Variants in FES observed in about 807,000 individuals in gnomAD.
The protein encoded by FES is tyrosine-protein kinase Fes/Fps.
Under a neutral mutation model 109.6 loss-of-function variants are expected in FES, and 83 were observed. The ratio of observed to expected loss-of-function variants is 0.76; its 90% CI spans 0.63 to 0.91. FES has a LOEUF of 0.91. Ranked by LOEUF, FES falls within the 40% of genes least tolerant of loss-of-function variation. The pLI is 0.00. For synonymous variants in FES, 458 were observed against 442.1 expected, an observed-to-expected ratio of 1.04 and a Z score of -0.45; for missense variants, 943 against 1,070.9, an observed-to-expected ratio of 0.88 and a Z score of 1.67.
chr15:90,893,310 C>T lies in FES; in HGVS notation c.1941C>T (p.Phe647=). The change falls in exon 16 of 19, where the codon TTC becomes TTT. Residue 647 remains phenylalanine, a synonymous_variant. Transcript: ENST00000328850. ...ELVQGGDFLT[F]LRTEGARLRV... ...CTGCAGGGGGCGACTTCCTGACCTT[C>T]CTCCGCACGGAGGGGGCCCGCCTGC... The T allele has an allele frequency of 6.3e-7, 1 of 1,576,968 alleles. No individual in the cohort carries two copies. The highest frequency in any genetic ancestry group is 1.7e-4 in the Middle Eastern group (1 of 5,848).
At position 90,889,221 on chromosome 15, in the gene FES, C is replaced by T. The variant is rs1465493322; in HGVS notation, c.669-85C>T. 1.3e-6 allele frequency: 2 copies of T among 1,556,708 alleles called. No homozygotes were observed. Among genetic ancestry groups the T allele is most frequent in the African/African-American group, 1.4e-5 (1 of 73,696 alleles). On this transcript the variant is annotated intron_variant, in intron 5 of 18. Coordinates refer to ENST00000328850, the MANE Select transcript of FES (RefSeq NM_002005.4). This position sits in a 1 kb window ranked among gnomAD's most constrained non-coding sequence, Gnocchi z 6.1. ...AGGCAGGGGTCAACCCCAGCCCTGA[C>T]TCCAAACCCAGGGTCCTAGGCCTGA...
intron 10 of FES, 86 bp downstream of exon 10, chr15:90,890,570 C>T: frequency 3.2e-6 from 4 of 1,260,098 alleles, no homozygotes; most frequent in Non-Finnish European, 4.5e-6. Flanking sequence ...TCTGCCCAGG[C>T]TGCTTGTATT....
chr15:90,891,790 A>C, intron 12 of FES, 114 bp downstream of exon 12: 1 of 1,460,734 alleles, frequency 6.8e-7, no homozygotes. Flanking sequence ...GTCTACATAC[A>C]AGATGCAGAG....
At chr15:90,885,287 C>T (rs370637201) in intron 2 of FES, 29 bp downstream of exon 2, 6 of 1,590,572 alleles carry the variant, frequency 3.8e-6, no homozygotes, top group Non-Finnish European at 5.1e-6. Flanking sequence ...CTGGTGGGTG[C>T]TGGCTGTATC....
chr15:90,886,349 T>C (rs1288684193), intron 3 of FES, among the ~76,000 whole-genome samples: 1 of 152,276 alleles, frequency 6.6e-6, no homozygotes, highest in Non-Finnish European at 1.5e-5. Context: ...ACAGAGGCTC[T>C]ATGGCCTACA....
chr15:90,889,902 T>C lies in FES; in HGVS notation c.989T>C (p.Met330Thr), dbSNP rs1410955398. ...ATEMVFRRQE[M>T]VTQLQQELRN... ...GAGATGGTGTTCAGGCGGCAGGAGA[T>C]GGTTACGCAGCTGCAACAGGAGCTC... The change falls in exon 8 of 19, where the codon ATG becomes ACG. Residue 330 changes from methionine to threonine, a missense_variant. Physicochemically the swap from Met to Thr is moderately conservative, Grantham distance 81 (BLOSUM62 -1). Coordinates refer to ENST00000328850, the MANE Select transcript of FES (RefSeq NM_002005.4). The surrounding 1 kb of genome is among the most constrained non-coding windows in gnomAD (Gnocchi z 6.1). 1.2e-6 allele frequency: 2 copies of C among 1,611,794 alleles called. No individual in the cohort carries two copies. The highest frequency in any genetic ancestry group is 1.7e-6 in the Non-Finnish European group (2 of 1,179,560).
At chr15:90,885,705 G>A in intron 3 of FES, 120 bp downstream of exon 3, 1 of 1,449,942 alleles carries the variant, frequency 6.9e-7, no homozygotes, top group Non-Finnish European at 9.1e-7. Context: ...CCGCAGGCCT[G>A]GCTTGCTCTA....
chr15:90,889,707 C>A lies in FES; in HGVS notation c.926+71C>A. On this transcript the variant is annotated intron_variant, in intron 7 of 18. Coordinates refer to ENST00000328850, the MANE Select transcript of FES (RefSeq NM_002005.4). The surrounding 1 kb of genome is among the most constrained non-coding windows in gnomAD (Gnocchi z 6.1). The stretch of plus-strand genomic sequence containing the variant: ...ACCACGAGTGTTTATGTAGGCAGGG[C>A]TAGGTCGTGGAGACTGTCCACACAG... The A allele has an allele frequency of 1.9e-6, 3 of 1,606,050 alleles. No individual in the cohort carries two copies. Among genetic ancestry groups the A allele is most frequent in the Non-Finnish European group, 2.5e-6 (3 of 1,177,992 alleles).
chr15:90,892,355 C>T (rs1253283074), intron 13 of FES: 8 of 596,698 alleles, frequency 1.3e-5, no homozygotes, highest in East Asian at 1.1e-4. Flanking sequence ...CCGCCCCCAT[C>T]GAGCTCTTGT....
Position 90,890,149 on chromosome 15 carries a change from A to AGC in FES, c.1110_1111dup (p.Leu371ArgfsTer162). 6.3e-7 allele frequency: 1 copy of AGC among 1,593,370 alleles called. No homozygotes were observed. Among genetic ancestry groups the AGC allele is most frequent in the Non-Finnish European group, 8.5e-7 (1 of 1,175,516 alleles). On this transcript the variant is annotated frameshift_variant, in exon 9 of 19. Coordinates refer to ENST00000328850, the MANE Select transcript of FES (RefSeq NM_002005.4). LOFTEE classifies it high-confidence loss of function. ...AAGAAGCACTGCAGGGGCTGCAGGT[A>AGC]GCGCTGTGCAGCCAGGCCAAGCTGC...
Position 90,889,317 on chromosome 15 carries a change from T to C in FES, c.680T>C (p.Leu227Pro). Residue 227 changes from leucine to proline, a missense_variant, in exon 6 of 19, where the codon CTG becomes CCG. Leu to Pro is a moderately conservative substitution (Grantham distance 98). Coordinates refer to ENST00000328850, the MANE Select transcript of FES (RefSeq NM_002005.4). This position sits in a 1 kb window ranked among gnomAD's most constrained non-coding sequence, Gnocchi z 6.1. ...CGTCTCGGGGGCAGGAAGGAGATCC[T>C]GCAGGAATACCTGGAGATTAGCAGC... The part of the protein sequence containing the change: ...EEMACILKEI[L>P]QEYLEISSLV... The C allele has an allele frequency of 1.2e-6, 2 of 1,613,680 alleles. No homozygotes were observed. Among genetic ancestry groups the C allele is most frequent in the East Asian group, 4.5e-5 (2 of 44,874 alleles).
chr15:90,884,978 C>T, intron 1 of FES, 59 bp from the exon 2 acceptor site: 2 of 1,416,302 alleles, frequency 1.4e-6, no homozygotes, highest in South Asian at 1.3e-5. Context: ...CTCCTCGTCC[C>T]ATGCCTCCGT....
rs199923937 is a variant in FES, at chr15:90,893,072, G to A, written c.1827-28G>A. ...GCCCTGGGGAGGCGGGCCTGGCCAC[G>A]TAGATCCTGAGCAGCAGTGCCCTCC... On this transcript the variant is annotated intron_variant, in intron 14 of 18. Coordinates refer to ENST00000328850, the MANE Select transcript of FES (RefSeq NM_002005.4). 2.3e-4 allele frequency: 368 copies of A among 1,606,792 alleles called. 2 individuals are homozygous for A. In the African/African-American group the frequency reaches 2.8e-3, roughly 12 times the overall value.
chr15:90,890,809 G>A (rs555328296), intron 10 of FES, among the ~76,000 whole-genome samples, 173 bp from the exon 11 acceptor site: 2 of 152,038 alleles, frequency 1.3e-5, no homozygotes, highest in East Asian at 1.9e-4. Flanking sequence ...TCTGCCCAGC[G>A]TGAGCCTGGG....
chr15:90,893,936 G>A lies in FES; in HGVS notation c.2204G>A (p.Gly735Asp). The A allele has an allele frequency of 6.2e-7, 1 of 1,613,584 alleles. No individual in the cohort carries two copies. The highest frequency in any genetic ancestry group is 8.5e-7 in the Non-Finnish European group (1 of 1,179,980). ...CCTCACCTCCTCGCCTCCTCTGCAGGCCGCTACTCCTCCGAAAGCGACGTG... is the reference window on the plus strand; with the variant it reads ...CCTCACCTCCTCGCCTCCTCTGCAGACCGCTACTCCTCCGAAAGCGACGTG... ...KWTAPEALNY[G>D]RYSSESDVWS... Residue 735 changes from glycine to aspartate, a missense_variant and splice_region_variant, in exon 18 of 19, where the codon GGC (glycine) becomes GAC (aspartate). By Grantham distance (94) the Gly-to-Asp change is moderately conservative. Transcript: ENST00000328850.
Position 90,889,394 on chromosome 15 carries a change from G to T in FES, c.757G>T (p.Ala253Ser). The change falls in exon 6 of 19, where the codon GCC becomes TCC. Residue 253 changes from alanine (A) to serine (S), a missense_variant. Physicochemically the swap from Ala to Ser is moderately conservative, Grantham distance 99. Transcript: ENST00000328850. The surrounding 1 kb of genome is among the most constrained non-coding windows in gnomAD (Gnocchi z 6.1). ...TCACCGGGAGATGGCTGCAGCTGCT[G>T]CCCGCATCCAGCCTGAGGCTGAGTA... is the stretch of plus-strand genomic sequence containing the variant. ...AIHREMAAAA[A>S]RIQPEAEYQG... 1.9e-6 allele frequency: 3 copies of T among 1,614,084 alleles called. No homozygotes were observed. The highest frequency in any genetic ancestry group is 2.5e-6 in the Non-Finnish European group (3 of 1,180,018).
chr15:90,887,223 G>A lies in FES; in HGVS notation c.521G>A (p.Arg174His), dbSNP rs1210252844. The change falls in exon 5 of 19, where the codon CGC (arginine) becomes CAC (histidine). Residue 174 changes from arginine (R) to histidine (H), a missense_variant. Arg to His is a conservative substitution (Grantham distance 29). Transcript: ENST00000328850. ...DRDKAKDKYV[R>H]SLWKLFAHHN... The stretch of plus-strand genomic sequence containing the variant: ...GACAAGGCTAAGGACAAGTATGTGC[G>A]CAGCCTGTGGAAGCTCTTTGCTCAC... 1 of 1,613,582 alleles carries A rather than the reference G, an allele frequency of 6.2e-7. No homozygotes were observed. Among genetic ancestry groups the A allele is most frequent in the Non-Finnish European group, 8.5e-7 (1 of 1,179,984 alleles).
chr15:90,890,319 G>A, intron 9 of FES, 41 bp downstream of exon 9: 1 of 1,589,410 alleles, frequency 6.3e-7, no homozygotes. Context: ...CCACCGGCCT[G>A]CCCACCTGGG....
chr15:90,889,158 A>T lies in FES; in HGVS notation c.669-148A>T. The T allele has an allele frequency of 1.1e-6, 1 of 948,844 alleles. No individual in the cohort carries two copies. Among genetic ancestry groups the T allele is most frequent in the Non-Finnish European group, 1.6e-6 (1 of 637,436 alleles). 58.8% of individuals were successfully genotyped at this position (948,844 alleles called of 1,614,324 possible). On this transcript the variant is annotated intron_variant, in intron 5 of 18. Coordinates refer to ENST00000328850, the MANE Select transcript of FES (RefSeq NM_002005.4). The surrounding 1 kb of genome is among the most constrained non-coding windows in gnomAD (Gnocchi z 6.1). ...GGAAATAGAAGATTAGGGAGAGGTT[A>T]AATAATTTGCCTAGAGTGGCATGGC...
Sources: gnomAD v4.1 joint callset for allele counts (sites outside exome capture counted in the v4.1 genomes callset) on GRCh38, gnomAD v4.1.1 for gene constraint, Gnocchi (gnomAD v3.1) non-coding constraint, MANE v1.5 for transcripts, NCBI Gene and HGNC (gene_info 2026-07-23, HGNC 2026-07-21) for gene names.